COL14A1: variants seen among roughly 807,000 people sequenced by gnomAD.
COL14A1 encodes collagen type XIV alpha 1 chain.
COL14A1 carries 136 observed loss-of-function variants against 230.3 expected under a neutral mutation model. That is an observed-to-expected ratio of 0.59 (90% CI 0.51 to 0.68). The LOEUF (loss-of-function observed/expected upper bound fraction) is 0.68. Among genes scored for constraint, COL14A1 ranks in the 30% least tolerant of loss-of-function variants. COL14A1 has a pLI of 0.00. For synonymous variants in COL14A1, 792 were observed against 784.1 expected, an observed-to-expected ratio of 1.01 and a Z score of -0.17; for missense variants, 1,976 against 2,215.8, an observed-to-expected ratio of 0.89 and a Z score of 2.17.
At chr8:120,126,181 G>A (rs975789302) in intron 1 of COL14A1, among the ~76,000 whole-genome samples, 5 of 152,254 alleles carry the variant, frequency 3.3e-5, no homozygotes, top group Admixed American at 1.3e-4. Context: ...TGGGCGGATA[G>A]GCATCCGGGG....
chr8:120,159,135 G>A (rs1815576023), intron 3 of COL14A1, among the ~76,000 whole-genome samples: 1 of 152,154 alleles, frequency 6.6e-6, no homozygotes, highest in Admixed American at 6.6e-5. Flanking sequence ...GTTGATCTGG[G>A]ATCAGCAGCA....
At chr8:120,301,380 G>A (rs978707412) in intron 36 of COL14A1, among the ~76,000 whole-genome samples, 15 of 152,018 alleles carry the variant, frequency 9.9e-5, no homozygotes, top group Middle Eastern at 3.4e-3. Context: ...GTAGGCCCCC[G>A]TGTCTGTTGT....
Position 120,214,947 on chromosome 8 carries a change from G to A in COL14A1, c.1598-1404G>A, listed in dbSNP as rs536919990. ...GGAAGAGCCTTGAAGGCAAAGAGAA[G>A]GCAAGTGCAGTGGCCTATGAATGAG... On this transcript the variant is annotated intron_variant, in intron 13 of 47. Transcript: ENST00000297848. Among the ~76,000 whole-genome samples, 8 of 152,294 alleles carry A rather than the reference G, an allele frequency of 5.3e-5. No homozygotes were observed. In the East Asian group the frequency reaches 1.5e-3, roughly 29 times the overall value.
At position 120,243,911 on chromosome 8, in the gene COL14A1, T is replaced by C. The variant is rs2305603; in HGVS notation, c.2382T>C (p.Leu794=). The change falls in exon 20 of 48, where the codon CTT becomes CTC. Residue 794 remains leucine (L), a synonymous_variant. Coordinates refer to ENST00000297848, the MANE Select transcript of COL14A1 (RefSeq NM_021110.4). ...VMVPGSQNNL[L]LKPLLPDTEY... is the part of the protein sequence containing the mutation. ...TGCCTGGAAGCCAGAACAACCTCCT[T>C]CTGAAGCCTCTGCTTCCTGATACTG... 0.061 allele frequency: 98,749 copies of C among 1,613,438 alleles called. 8,193 individuals carry two copies. Among genetic ancestry groups the C allele is most frequent in the East Asian group, 0.38 (17,168 of 44,826 alleles).
In COL14A1 at chr8:120,315,519, T is replaced by C. The variant is rs2130115127; in HGVS notation, c.4552-14T>C. 4 of 1,608,976 alleles carry C rather than the reference T, an allele frequency of 2.5e-6. No individual in the cohort carries two copies. Among genetic ancestry groups the C allele is most frequent in the Non-Finnish European group, 3.4e-6 (4 of 1,175,460 alleles). On this transcript the variant is annotated splice_polypyrimidine_tract_variant and intron_variant, in intron 38 of 47. Coordinates refer to ENST00000297848, the MANE Select transcript of COL14A1 (RefSeq NM_021110.4). ...CCTATGTGAACTTAACTCTGTATAC[T>C]TTTGGATATTCAGGGAATGCCAGGA...
At chr8:120,361,644 A>G (rs1205379722) in intron 45 of COL14A1, among the ~76,000 whole-genome samples, 3 of 152,204 alleles carry the variant, frequency 2.0e-5, no homozygotes, top group Non-Finnish European at 2.9e-5. Flanking sequence ...GCCTTGATCT[A>G]TAATCTCTGT....
At chr8:120,252,864 T>C (rs2129694590) in intron 22 of COL14A1, among the ~76,000 whole-genome samples, 1 of 152,316 alleles carries the variant, frequency 6.6e-6, no homozygotes, top group African/African-American at 2.4e-5. Context: ...CCCGATTGCA[T>C]ATAGGGCCAG....
At chr8:120,139,282 T>C (rs531839229) in intron 1 of COL14A1, among the ~76,000 whole-genome samples, 64 of 152,386 alleles carry the variant, frequency 4.2e-4, no homozygotes, top group Non-Finnish European at 7.8e-4. Context: ...CTTTCAAGTC[T>C]TCTTTGCCTG....
At chr8:120,316,298 T>C (rs1274837553) in intron 40 of COL14A1, among the ~76,000 whole-genome samples, 2 of 152,168 alleles carry the variant, frequency 1.3e-5, no homozygotes, top group Non-Finnish European at 2.9e-5. Flanking sequence ...TTTCTCCAGT[T>C]CTTTCAAATC....
At chr8:120,292,657 A>G (rs1302817723) in intron 34 of COL14A1, among the ~76,000 whole-genome samples, 1 of 152,106 alleles carries the variant, frequency 6.6e-6, no homozygotes, top group Non-Finnish European at 1.5e-5. Flanking sequence ...GTACTCTAAT[A>G]TCCAGCAAAA....
chr8:120,305,044 T>A (rs1820817683), intron 36 of COL14A1, among the ~76,000 whole-genome samples: 1 of 151,486 alleles, frequency 6.6e-6, no homozygotes, highest in Non-Finnish European at 1.5e-5. Context: ...AATGGCACAA[T>A]CTCGGCTCAC....
chr8:120,136,761 C>T (rs764789058), intron 1 of COL14A1, among the ~76,000 whole-genome samples: 8 of 151,356 alleles, frequency 5.3e-5, no homozygotes, highest in Non-Finnish European at 7.4e-5. Flanking sequence ...GCCAGGTGTT[C>T]GAGACCAGCC....
rs369228397 is a variant in COL14A1, at chr8:120,164,744, C to G, written c.349+2175C>G. ...TTTGGTTTAAATCAGCCTTCTGTCT[C>G]ATTTTACTGGCACTGCACTTTAGTT... is the stretch of plus-strand genomic sequence containing the variant. On this transcript the variant is annotated intron_variant, in intron 4 of 47. Coordinates refer to ENST00000297848, the MANE Select transcript of COL14A1 (RefSeq NM_021110.4). Among the ~76,000 whole-genome samples, 4 of 152,194 alleles carry G rather than the reference C, an allele frequency of 2.6e-5. No homozygotes were observed. In the East Asian group the frequency reaches 5.8e-4, roughly 22 times the overall value.
intron 13 of COL14A1, among the ~76,000 whole-genome samples, chr8:120,215,457 A>T (rs1000002064): frequency 2.0e-5 from 3 of 152,034 alleles, no homozygotes; most frequent in South Asian, 2.1e-4. Flanking sequence ...AAAAGAAAAG[A>T]TCATGCTAAG....
intron 42 of COL14A1, among the ~76,000 whole-genome samples, chr8:120,337,094 A>G (rs989964034): frequency 6.6e-6 from 1 of 152,192 alleles, no homozygotes; most frequent in African/African-American, 2.4e-5. Context: ...TGTATTTATT[A>G]AAAGAAAAAA....
In COL14A1 at chr8:120,280,003, C is replaced by G; in HGVS notation, c.3550C>G (p.Pro1184Ala). Residue 1184 changes from proline to alanine, a missense_variant, in exon 29 of 48, where the codon CCC (proline) becomes GCC (alanine). Around this residue, in one of 3 missense-constraint regions of COL14A1, gnomAD observed 1,791 missense variants for 2,019.5 expected, o/e 0.89. Coordinates refer to ENST00000297848, the MANE Select transcript of COL14A1 (RefSeq NM_021110.4). The stretch of plus-strand genomic sequence containing the variant: ...GGAGTTGGTTAGCATTGGCAGTAAG[C>G]CCAGCGCACGCCATGTCTTCTTTGT... ...YSELVSIGSKPSARHVFFVDD... is the reference protein window; with the variant it reads ...YSELVSIGSKASARHVFFVDD... 1 of 1,613,856 alleles carries G rather than the reference C, an allele frequency of 6.2e-7. No homozygotes were observed. The highest frequency in any genetic ancestry group is 8.5e-7 in the Non-Finnish European group (1 of 1,179,850).
intron 13 of COL14A1, among the ~76,000 whole-genome samples, chr8:120,213,621 CA>C (rs1369730681): frequency 3.3e-5 from 5 of 152,172 alleles, no homozygotes; most frequent in Admixed American, 1.3e-4. Flanking sequence ...GCATCCACCA[CA>C]TAAGTGAATT....
chr8:120,319,517 C>T (rs892411117), intron 40 of COL14A1, among the ~76,000 whole-genome samples: 4 of 152,132 alleles, frequency 2.6e-5, no homozygotes, highest in Non-Finnish European at 5.9e-5. Context: ...ACTTAAAGCG[C>T]AAACCAGGTG....
intron 4 of COL14A1, among the ~76,000 whole-genome samples, chr8:120,163,317 C>T (rs922900872): frequency 1.3e-5 from 2 of 152,168 alleles, no homozygotes; most frequent in African/African-American, 4.8e-5. Flanking sequence ...GGGAAAGCTT[C>T]ATGTTTGAGC....
Sources: allele counts gnomAD v4.1 joint callset (sites outside exome capture counted in the v4.1 genomes callset), GRCh38; gene constraint gnomAD v4.1.1; regional missense constraint gnomAD v4.1.1; transcripts MANE v1.5; gene names NCBI Gene and HGNC (gene_info 2026-07-23, HGNC 2026-07-21).